THSD7A: variants seen among roughly 807,000 people sequenced by gnomAD.
THSD7A encodes the protein thrombospondin type 1 domain containing 7A.
In THSD7A, 96 loss-of-function variants were observed where a neutral mutation model predicts 231.3. The observed-to-expected ratio is 0.41, with a 90% CI of 0.35 to 0.49. The LOEUF is 0.49. Ranked by LOEUF, THSD7A falls within the 20% of genes least tolerant of loss-of-function variation. The probability of loss-of-function intolerance (pLI) is 0.05; values close to 1 mark genes in which losing one functional copy is unlikely to be tolerated. For synonymous variants in THSD7A, 940 were observed against 743.3 expected (o/e 1.26, Z -4.30); for missense variants, 2,290 against 2,070.2 (o/e 1.11, Z -2.06).
At chr7:11,727,759 C>T (rs920419992) in intron 1 of THSD7A, among the ~76,000 whole-genome samples, 7 of 151,908 alleles carry the variant, frequency 4.6e-5, no homozygotes, top group African/African-American at 7.2e-5. Flanking sequence ...CGTATCAATA[C>T]GAATTGTTTA....
chr7:11,491,742 C>T (rs1206030043), intron 6 of THSD7A, among the ~76,000 whole-genome samples: 3 of 152,108 alleles, frequency 2.0e-5, no homozygotes, highest in South Asian at 4.1e-4. Context: ...ACATCAAGTG[C>T]TTCAACAGAA....
Position 11,679,221 on chromosome 7 carries a change from G to C in THSD7A, c.191-42260C>G, listed in dbSNP as rs903156554. On this transcript the variant is annotated intron_variant, in intron 1 of 27. Coordinates refer to ENST00000423059, the MANE Select transcript of THSD7A (RefSeq NM_015204.3). ...TCTCAAAATAATAAGAGCTATTTAT[G>C]ACAAACCCACAGCCAGTATCATACT... 2.0e-5 allele frequency among the ~76,000 whole-genome samples: 3 copies of C among 152,106 alleles called. No individual in the cohort carries two copies. The East Asian group carries it at 5.8e-4, about 29-fold the overall frequency.
chr7:11,467,475 CAATA>C (rs1248823369), intron 9 of THSD7A, among the ~76,000 whole-genome samples: 1 of 151,850 alleles, frequency 6.6e-6, no homozygotes, highest in East Asian at 1.9e-4. Flanking sequence ...ATACAAAAAT[CAATA>C]AATAAGTAAT....
intron 6 of THSD7A, among the ~76,000 whole-genome samples, chr7:11,509,674 T>A (rs1787709812): frequency 6.7e-6 from 1 of 149,892 alleles, no homozygotes; most frequent in Non-Finnish European, 1.5e-5. Context: ...CAAAAAAAAT[T>A]AGCCGGGCGC....
At chr7:11,670,364 G>C (rs916124237) in intron 1 of THSD7A, among the ~76,000 whole-genome samples, 69 of 152,194 alleles carry the variant, frequency 4.5e-4, no homozygotes, top group African/African-American at 1.6e-3. Context: ...AAGGGCCTGA[G>C]GCTGTGTAAT....
intron 1 of THSD7A, among the ~76,000 whole-genome samples, chr7:11,662,901 T>G (rs531919329): frequency 5.9e-4 from 89 of 151,454 alleles, no homozygotes; most frequent in African/African-American, 2.1e-3. Context: ...ATTTGTGACA[T>G]AAAGCTAGAA....
chr7:11,432,741 T>A (rs1784517474), intron 13 of THSD7A, among the ~76,000 whole-genome samples: 1 of 152,048 alleles, frequency 6.6e-6, no homozygotes, highest in Non-Finnish European at 1.5e-5. Context: ...TAGTTTTCAA[T>A]ATGGGGCCAT....
chr7:11,780,276 A>G (rs1051511637), intron 1 of THSD7A, among the ~76,000 whole-genome samples: 1 of 152,176 alleles, frequency 6.6e-6, no homozygotes, highest in Non-Finnish European at 1.5e-5. Flanking sequence ...TGGTATATTT[A>G]GTCTATAACA....
intron 4 of THSD7A, among the ~76,000 whole-genome samples, chr7:11,549,365 T>C (rs1475490851): frequency 6.6e-6 from 1 of 151,882 alleles, no homozygotes. Context: ...TGGAAGACAG[T>C]GTGGTGATTC....
At chr7:11,524,654 G>A (rs985502711) in intron 6 of THSD7A, among the ~76,000 whole-genome samples, 1 of 152,082 alleles carries the variant, frequency 6.6e-6, no homozygotes, top group Non-Finnish European at 1.5e-5. Context: ...AGCTTTCCAG[G>A]GTGCTTTGAA....
At position 11,483,915 on chromosome 7, in the gene THSD7A, C is replaced by T. The variant is rs1786537407; in HGVS notation, c.1823-1933G>A. On this transcript the variant is annotated intron_variant, in intron 6 of 27. Coordinates refer to ENST00000423059, the MANE Select transcript of THSD7A (RefSeq NM_015204.3). ...ACAAGGGTGCCATTAGATTAGCTTG[C>T]CTAGCGTAAGTAATGCATTTTTGTT... Among the ~76,000 whole-genome samples, 3 of 152,238 alleles carry T rather than the reference C, an allele frequency of 2.0e-5. No homozygotes were observed. The South Asian group carries it at 6.2e-4, about 32-fold the overall frequency.
intron 23 of THSD7A, among the ~76,000 whole-genome samples, chr7:11,393,358 C>A (rs1783058780): frequency 6.6e-6 from 1 of 152,166 alleles, no homozygotes; most frequent in Non-Finnish European, 1.5e-5. Flanking sequence ...AGACCCCGAA[C>A]TGAAGGTAAC....
intron 4 of THSD7A, among the ~76,000 whole-genome samples, chr7:11,551,902 A>C (rs1225709170): frequency 6.6e-6 from 1 of 152,162 alleles, no homozygotes; most frequent in Non-Finnish European, 1.5e-5. Context: ...GCATATGTTC[A>C]TCACAGAACT....
chr7:11,595,681 T>C (rs1780335238), intron 2 of THSD7A, among the ~76,000 whole-genome samples: 1 of 152,092 alleles, frequency 6.6e-6, no homozygotes, highest in South Asian at 2.1e-4. Context: ...GCAAAATAGA[T>C]TTGTGAGGGC....
chr7:11,417,247 T>G (rs1212600836), intron 17 of THSD7A, among the ~76,000 whole-genome samples: 1 of 152,098 alleles, frequency 6.6e-6, no homozygotes, highest in African/African-American at 2.4e-5. Flanking sequence ...GTGGAGCTGT[T>G]CTAGTGTGAG....
At chr7:11,682,096 G>T (rs1783892322) in intron 1 of THSD7A, among the ~76,000 whole-genome samples, 2 of 152,038 alleles carry the variant, frequency 1.3e-5, no homozygotes, top group African/African-American at 4.8e-5. Flanking sequence ...TATAAGAGAT[G>T]CTTAAGGGAG....
rs771014719 is a variant in THSD7A, at chr7:11,636,380, C to T, written c.772G>A (p.Gly258Arg). The change falls in exon 2 of 28, where the codon GGG becomes AGG. Residue 258 changes from glycine (G) to arginine (R), a missense_variant. Gly to Arg is a moderately radical substitution (Grantham distance 125, BLOSUM62 -2). Transcript: ENST00000423059. This position sits in a 1 kb window ranked among gnomAD's most constrained non-coding sequence, Gnocchi z 10.0. Reference sequence around the variant, plus strand: ...GGCATTGAGCAGGTGCTCCAGGGCCCCACATGCAGGCTGTACCTGAGCTCC... The same window carrying T: ...GGCATTGAGCAGGTGCTCCAGGGCCTCACATGCAGGCTGTACCTGAGCTCC... Reference protein sequence around the residue: ...AEELRYSLHVGPWSTCSMPHS... With the variant: ...AEELRYSLHVRPWSTCSMPHS... The T allele has an allele frequency of 1.9e-6, 3 of 1,613,790 alleles. No individual in the cohort carries two copies. Among genetic ancestry groups the T allele is most frequent in the South Asian group, 2.2e-5 (2 of 91,088 alleles).
chr7:11,703,725 C>A (rs1457279792), intron 1 of THSD7A, among the ~76,000 whole-genome samples: 2 of 151,012 alleles, frequency 1.3e-5, no homozygotes, highest in Non-Finnish European at 3.0e-5. Flanking sequence ...TAACATAAAC[C>A]CATTATATAT....
intron 17 of THSD7A, among the ~76,000 whole-genome samples, chr7:11,416,249 C>G (rs1249531715): frequency 6.6e-6 from 1 of 152,170 alleles, no homozygotes; most frequent in Non-Finnish European, 1.5e-5. Flanking sequence ...TAGAAACCTA[C>G]TGGACAAAGT....
Sources: allele counts gnomAD v4.1 joint callset (sites outside exome capture counted in the v4.1 genomes callset), GRCh38; gene constraint gnomAD v4.1.1; non-coding constraint Gnocchi (gnomAD v3.1); transcripts MANE v1.5; gene names NCBI Gene and HGNC (gene_info 2026-07-23, HGNC 2026-07-21).